The following CLIP2 variants were observed in gnomAD, a reference collection of about 807,000 sequenced individuals.
CLIP2 encodes the protein CAP-Gly domain containing linker protein 2, also known as CAP-Gly domain-containing linker protein 2.
CLIP2 carries 41 observed loss-of-function variants against 111.7 expected under a neutral mutation model. That is an observed-to-expected ratio of 0.37 (90% CI 0.29 to 0.48). The LOEUF is 0.48. Among genes scored for constraint, CLIP2 ranks in the 20% least tolerant of loss-of-function variants. The pLI, the probability that CLIP2 is intolerant of heterozygous loss-of-function variation, is 0.99. For synonymous variants in CLIP2, 660 were observed against 644.2 expected (o/e 1.02, Z -0.37); for missense variants, 1,160 against 1,422.1 (o/e 0.82, Z 2.96).
At chr7:74,396,722 T>C (rs1490227709) in intron 13 of CLIP2, among the ~76,000 whole-genome samples, 1 of 152,086 alleles carries the variant, frequency 6.6e-6, no homozygotes, top group African/African-American at 2.4e-5. Flanking sequence ...GGTTTCACCA[T>C]GTTGGCCAGG....
chr7:74,372,400 C>T (rs1209608617), intron 8 of CLIP2, among the ~76,000 whole-genome samples: 1 of 24,532 alleles, frequency 4.1e-5, no homozygotes, highest in Admixed American at 5.6e-4. Context: ...TAGCACAGGC[C>T]TTGGGGGGGG....
intron 3 of CLIP2, among the ~76,000 whole-genome samples, chr7:74,347,355 G>A (rs1297048641): frequency 1.3e-5 from 2 of 152,134 alleles, no homozygotes; most frequent in Non-Finnish European, 2.9e-5. Context: ...TGCAAGCTCC[G>A]CCTCCCGGGT....
At chr7:74,310,323 G>A (rs1411537403) in intron 1 of CLIP2, among the ~76,000 whole-genome samples, 10 of 151,904 alleles carry the variant, frequency 6.6e-5, no homozygotes, top group African/African-American at 2.4e-4. Context: ...CCAGGAGTTC[G>A]AGACTAGCTT....
intron 5 of CLIP2, among the ~76,000 whole-genome samples, chr7:74,357,036 G>C (rs1790166985): frequency 6.6e-6 from 1 of 152,122 alleles, no homozygotes; most frequent in Non-Finnish European, 1.5e-5. Context: ...CAGAGGCTCT[G>C]GCTATCAGGA....
intron 1 of CLIP2, among the ~76,000 whole-genome samples, chr7:74,304,555 A>AC (rs1186901806): frequency 1.0e-5 from 1 of 96,150 alleles, no homozygotes; most frequent in Middle Eastern, 6.5e-3. Flanking sequence ...GGAGACTCTG[A>AC]CAAAAAAAAA....
intron 1 of CLIP2, among the ~76,000 whole-genome samples, chr7:74,316,543 C>A (rs1788777134): frequency 6.6e-6 from 1 of 151,776 alleles, no homozygotes; most frequent in African/African-American, 2.4e-5. Flanking sequence ...GAGCCACTGC[C>A]CCCAGCCCTT....
intron 2 of CLIP2, among the ~76,000 whole-genome samples, chr7:74,324,206 G>T (rs1371444445): frequency 3.5e-4 from 53 of 152,126 alleles, no homozygotes; most frequent in African/African-American, 1.2e-3. Context: ...TGGTCAGGCT[G>T]GTCTCAAACT....
chr7:74,386,891 C>T (rs1257052305), intron 12 of CLIP2, among the ~76,000 whole-genome samples: 3 of 151,952 alleles, frequency 2.0e-5, no homozygotes, highest in Non-Finnish European at 4.4e-5. Context: ...GGCATGGTGG[C>T]ATGCACCTGT....
chr7:74,362,020 G>A (rs945690508), intron 7 of CLIP2, among the ~76,000 whole-genome samples: 4 of 151,602 alleles, frequency 2.6e-5, no homozygotes, highest in Non-Finnish European at 4.4e-5. Flanking sequence ...AGAATCGCTT[G>A]AACCCAGGAG....
chr7:74,388,512 A>T (rs1791185219), intron 12 of CLIP2, among the ~76,000 whole-genome samples: 1 of 151,592 alleles, frequency 6.6e-6, no homozygotes, highest in Non-Finnish European at 1.5e-5. Context: ...AAAAAAAAAA[A>T]TTTGGCCGGG....
chr7:74,320,340 A>T (rs530501086), intron 2 of CLIP2, among the ~76,000 whole-genome samples: 1 of 152,190 alleles, frequency 6.6e-6, no homozygotes, highest in East Asian at 1.9e-4. Flanking sequence ...AGCCTGAGCA[A>T]CACAGCAAGA....
chr7:74,400,617 C>T (rs1791592852), intron 15 of CLIP2, 62 bp downstream of exon 15: 3 of 1,431,394 alleles, frequency 2.1e-6, no homozygotes, highest in South Asian at 1.4e-5. Flanking sequence ...CTCGGAGCCC[C>T]CGTCTGATGC....
intron 8 of CLIP2, among the ~76,000 whole-genome samples, chr7:74,372,643 G>GC (rs1260892834): frequency 1.3e-5 from 2 of 152,056 alleles, no homozygotes; most frequent in Non-Finnish European, 2.9e-5. Context: ...GCAGGGGCCA[G>GC]CGAGGGAGGA....
intron 12 of CLIP2, 117 bp downstream of exon 12, chr7:74,386,721 G>A (rs1221115990): frequency 1.4e-6 from 1 of 701,844 alleles, no homozygotes; most frequent in Non-Finnish European, 2.2e-6. Flanking sequence ...CCCCGACTCT[G>A]CTTTGAGAAG....
intron 8 of CLIP2, among the ~76,000 whole-genome samples, chr7:74,365,826 C>T (rs1790460695): frequency 6.6e-6 from 1 of 152,116 alleles, no homozygotes; most frequent in Non-Finnish European, 1.5e-5. Context: ...ACCATCTGGG[C>T]TCACTGAAGC....
chr7:74,364,568 G>C (rs189613963), intron 8 of CLIP2, among the ~76,000 whole-genome samples: 11 of 152,284 alleles, frequency 7.2e-5, no homozygotes, highest in Admixed American at 7.2e-4. Flanking sequence ...CAGGGCAGAT[G>C]GGGGGCTGGG....
chr7:74,305,714 G>A (rs1179874605), intron 1 of CLIP2, among the ~76,000 whole-genome samples: 3 of 152,034 alleles, frequency 2.0e-5, no homozygotes, highest in Non-Finnish European at 4.4e-5. Flanking sequence ...GGCTGGTCTT[G>A]AACTCCTGAC....
At chr7:74,370,283 T>C (rs1227251803) in intron 8 of CLIP2, among the ~76,000 whole-genome samples, 5 of 151,136 alleles carry the variant, frequency 3.3e-5, no homozygotes, top group African/African-American at 1.2e-4. Flanking sequence ...GGTGAAACCC[T>C]GTCTCTACTA....
chr7:74,289,696 G>A lies in CLIP2; in HGVS notation c.-106G>A, dbSNP rs1349752357. The stretch of plus-strand genomic sequence containing the variant: ...CGAGAGGAGGAGGCCGGGGCTCTCC[G>A]GGCCTCCCGCCGCTTAGCCTGATGC... On this transcript the variant is annotated 5_prime_UTR_variant, in exon 1 of 17. Transcript: ENST00000223398. 3 of 152,274 alleles carry A rather than the reference G, an allele frequency of 2.0e-5. No homozygotes were observed. Among genetic ancestry groups the A allele is most frequent in the Admixed American group, 2.0e-4 (3 of 15,294 alleles). 9.4% of individuals were successfully genotyped at this position (152,274 alleles called of 1,614,324 possible).
Sources: gnomAD v4.1 joint callset for allele counts (sites outside exome capture counted in the v4.1 genomes callset) on GRCh38, gnomAD v4.1.1 for gene constraint, MANE v1.5 for transcripts, NCBI Gene and HGNC (gene_info 2026-07-23, HGNC 2026-07-21) for gene names.